CELF2: variants seen among roughly 807,000 people sequenced by gnomAD.
CELF2 encodes the protein CUG triplet repeat RNA-binding protein 2.
CELF2 carries 8 observed loss-of-function variants against 62.6 expected under a neutral mutation model. The observed-to-expected ratio is 0.13, with a 90% CI of 0.07 to 0.23. The LOEUF is 0.23. Ranked by LOEUF, CELF2 falls within the 10% of genes least tolerant of loss-of-function variation. CELF2 has a pLI of 1.00. For synonymous variants in CELF2, 258 were observed against 250.0 expected (o/e 1.03, Z -0.30); for missense variants, 333 against 671.0 (o/e 0.50, Z 5.56).
chr10:10,463,152 C>A, the CELF2 span, among the ~76,000 whole-genome samples: 1 of 152,154 alleles, frequency 6.6e-6, no homozygotes, highest in Non-Finnish European at 1.5e-5. Flanking sequence ...GTCAGGAGTT[C>A]ATTAGCCAAC....
rs116096417 is a variant in CELF2 at position 11,095,563 on chromosome 10, G to A, written c.75-69923G>A. ...CAGCTGAGGTTTAACAGGCATATAA[G>A]CTTGCATATCTTTTGCCCACATTTT... On this transcript the variant is annotated intron_variant, in intron 1 of 12. Coordinates refer to ENST00000633077, the MANE Select transcript of CELF2 (RefSeq NM_001326342.2). Among the ~76,000 whole-genome samples, 1,366 of 152,282 alleles carry A rather than the reference G, an allele frequency of 9.0e-3. 15 individuals carry two copies. The highest frequency in any genetic ancestry group is 0.031 in the African/African-American group (1,308 of 41,540).
At chr10:10,464,735 G>A in the CELF2 span, among the ~76,000 whole-genome samples, 10 of 152,156 alleles carry the variant, frequency 6.6e-5, no homozygotes, top group African/African-American at 2.2e-4. Flanking sequence ...TCTGTCATTT[G>A]AACTAGTAAT....
intron 1 of CELF2, among the ~76,000 whole-genome samples, chr10:11,111,526 C>T (rs2055162470): frequency 6.6e-6 from 1 of 152,214 alleles, no homozygotes; most frequent in South Asian, 2.1e-4. Flanking sequence ...AGGCTATTGT[C>T]AGTCACAAAG....
intron 1 of CELF2, among the ~76,000 whole-genome samples, chr10:11,158,969 T>C (rs1323340957): frequency 6.6e-6 from 1 of 152,256 alleles, no homozygotes; most frequent in Non-Finnish European, 1.5e-5. Context: ...TATGTACATA[T>C]AGGAAACCTG....
At chr10:10,855,506 C>T (rs780968278) in intron 1 of CELF2, among the ~76,000 whole-genome samples, 3 of 152,178 alleles carry the variant, frequency 2.0e-5, no homozygotes, top group Non-Finnish European at 4.4e-5. Context: ...CAGATTTAAT[C>T]CTTTCATATC....
At chr10:10,591,647 T>A in the CELF2 span, among the ~76,000 whole-genome samples, 3 of 152,238 alleles carry the variant, frequency 2.0e-5, no homozygotes, top group African/African-American at 7.2e-5. Flanking sequence ...AGGTTTGATC[T>A]GTTTCCCTTC....
chr10:11,211,212 G>T lies in CELF2; in HGVS notation c.272-6213G>T, dbSNP rs753129344. Among the ~76,000 whole-genome samples, 1 of 152,204 alleles carries T rather than the reference G, an allele frequency of 6.6e-6. No individual in the cohort carries two copies. The highest frequency in any genetic ancestry group is 1.5e-5 in the Non-Finnish European group (1 of 68,028). ...GAAGATGACTTTAGCTCAGGAGTTC[G>T]AAGTTAAAGTGAACTATGATTGCAC... is the stretch of plus-strand genomic sequence containing the variant. On this transcript the variant is annotated intron_variant, in intron 2 of 12. Transcript: ENST00000633077. The surrounding 1 kb of genome is among the most constrained non-coding windows in gnomAD (Gnocchi z 4.8).
chr10:11,323,384 A>G (rs147577555), intron 11 of CELF2, among the ~76,000 whole-genome samples: 70 of 150,974 alleles, frequency 4.6e-4, no homozygotes, highest in African/African-American at 1.5e-3. Flanking sequence ...TAGTTTAAGT[A>G]AAACATAATT....
intron 1 of CELF2, among the ~76,000 whole-genome samples, chr10:11,128,095 A>G (rs1341257796): frequency 2.6e-5 from 4 of 152,242 alleles, no homozygotes; most frequent in African/African-American, 7.2e-5. Flanking sequence ...AGCTTTCTAC[A>G]TATGGCTAGC....
chr10:11,122,989 C>A (rs371921826), intron 1 of CELF2, among the ~76,000 whole-genome samples: 1 of 151,968 alleles, frequency 6.6e-6, no homozygotes, highest in Non-Finnish European at 1.5e-5. Flanking sequence ...TCTGGGAGTA[C>A]GGTTTATAGT....
the CELF2 span, among the ~76,000 whole-genome samples, chr10:10,629,684 G>A: frequency 6.6e-6 from 1 of 152,048 alleles, no homozygotes; most frequent in African/African-American, 2.4e-5. Flanking sequence ...TGTGCTTAAA[G>A]ATAGCAGAAC....
chr10:10,768,180 A>G, the CELF2 span, among the ~76,000 whole-genome samples: 1 of 151,794 alleles, frequency 6.6e-6, no homozygotes, highest in Non-Finnish European at 1.5e-5. Context: ...AAAAAAAAAA[A>G]ACCAAAAAAC....
At chr10:10,706,548 G>A in the CELF2 span, among the ~76,000 whole-genome samples, 1 of 152,160 alleles carries the variant, frequency 6.6e-6, no homozygotes, top group Non-Finnish European at 1.5e-5. Context: ...TCAAGGATGG[G>A]AAGAAAAGAG....
At chr10:10,570,325 C>T in the CELF2 span, among the ~76,000 whole-genome samples, 9 of 149,938 alleles carry the variant, frequency 6.0e-5, no homozygotes, top group South Asian at 2.0e-3. Flanking sequence ...TTGAGATTAA[C>T]CAAAAGCAAG....
At chr10:11,092,966 ATGC>A (rs756196375) in intron 1 of CELF2, among the ~76,000 whole-genome samples, 70 of 152,176 alleles carry the variant, frequency 4.6e-4, no homozygotes, top group Non-Finnish European at 1.5e-4. Flanking sequence ...CTGTTGGGAG[ATGC>A]CTTTCCTGGC....
chr10:11,078,791 A>T (rs1430052779), intron 1 of CELF2, among the ~76,000 whole-genome samples: 1 of 152,218 alleles, frequency 6.6e-6, no homozygotes, highest in Non-Finnish European at 1.5e-5. Flanking sequence ...GTGCAAGAAA[A>T]GACTCTAAAC....
Position 11,328,689 on chromosome 10 carries a change from G to A in CELF2, c.1439-237G>A, listed in dbSNP as rs1349488631. ...TCTGAGGTTTCAGTGTTGTGGGGAG[G>A]GGTGTGTGCTCCATGATGCCACATT... is the stretch of plus-strand genomic sequence containing the variant. On this transcript the variant is annotated intron_variant, in intron 12 of 12. Coordinates refer to ENST00000633077, the MANE Select transcript of CELF2 (RefSeq NM_001326342.2). The surrounding 1 kb of genome is among the most constrained non-coding windows in gnomAD (Gnocchi z 6.4). Among the ~76,000 whole-genome samples the A allele has an allele frequency of 6.6e-6, 1 of 152,210 alleles. No homozygotes were observed. The highest frequency in any genetic ancestry group is 2.4e-5 in the African/African-American group (1 of 41,452).
intron 2 of CELF2, among the ~76,000 whole-genome samples, chr10:11,176,346 A>G (rs989240810): frequency 3.7e-4 from 57 of 152,324 alleles, no homozygotes; most frequent in Non-Finnish European, 1.0e-4. Flanking sequence ...CATTGCATCA[A>G]GCGGGTCCTC....
At position 10,943,729 on chromosome 10, in the gene CELF2, G is replaced by T. The variant is rs556737194; in HGVS notation, c.89+23730G>T. On this transcript the variant is annotated intron_variant, in intron 2 of 13. Coordinates refer to the CELF2 transcript ENST00000636488. ...TTCTCCCACCTCAGCCTCCTGAGTG[G>T]CTGGGATTATAGGCACACACCACTA... Among the ~76,000 whole-genome samples the T allele has an allele frequency of 1.8e-3, 276 of 152,024 alleles. 2 individuals carry two copies. Among genetic ancestry groups the T allele is most frequent in the Non-Finnish European group, 2.6e-3 (179 of 67,994 alleles).
Sources: allele counts gnomAD v4.1 joint callset (sites outside exome capture counted in the v4.1 genomes callset), GRCh38; gene constraint gnomAD v4.1.1; non-coding constraint Gnocchi (gnomAD v3.1); transcripts MANE v1.5; gene names NCBI Gene and HGNC (gene_info 2026-07-23, HGNC 2026-07-21).